TNFAIP8: variants seen among roughly 807,000 people sequenced by gnomAD.
TNFAIP8 encodes tumor necrosis factor alpha-induced protein 8.
A neutral mutation model predicts 13.3 loss-of-function variants in TNFAIP8; 7 were observed. The ratio of observed to expected loss-of-function variants is 0.52; its 90% CI spans 0.30 to 0.99. The LOEUF is 0.99. Ranked by LOEUF, TNFAIP8 falls within the 50% of genes least tolerant of loss-of-function variation. TNFAIP8 has a pLI of 0.07. For missense variants in TNFAIP8, 258 were observed against 236.9 expected, an observed-to-expected ratio of 1.09 and a Z score of -0.58; for synonymous variants, 94 against 87.6, an observed-to-expected ratio of 1.07 and a Z score of -0.41.
At chr5:119,313,930 G>T (rs779925766) in intron 1 of TNFAIP8, among the ~76,000 whole-genome samples, 1 of 152,210 alleles carries the variant, frequency 6.6e-6, no homozygotes, top group South Asian at 2.1e-4. Context: ...AGGCATTCAT[G>T]TGTGGGTTTT....
rs114442059 is a variant in TNFAIP8 at position 119,291,256 on chromosome 5, C to A, written c.1+22349C>A. Among the ~76,000 whole-genome samples the A allele has an allele frequency of 3.7e-3, 563 of 152,264 alleles. 4 individuals are homozygous for A. Among genetic ancestry groups the A allele is most frequent in the African/African-American group, 0.013 (554 of 41,542 alleles). The stretch of plus-strand genomic sequence containing the variant: ...CCATGTCTTTATCTGTTTCTATTTC[C>A]CCTGCTGTATCTAGCACACTGGGTG... On this transcript the variant is annotated intron_variant, in intron 1 of 1. Coordinates refer to the TNFAIP8 transcript ENST00000274456.
chr5:119,324,202 G>C (rs1204968963), intron 1 of TNFAIP8, among the ~76,000 whole-genome samples: 2 of 138,260 alleles, frequency 1.4e-5, no homozygotes, highest in African/African-American at 5.5e-5. Context: ...CTGAACCCAG[G>C]AGGTGGAGGC....
chr5:119,384,852 T>C (rs150894741), intron 1 of TNFAIP8, among the ~76,000 whole-genome samples: 2 of 152,212 alleles, frequency 1.3e-5, no homozygotes, highest in African/African-American at 4.8e-5. Flanking sequence ...CTGGGGCAAA[T>C]TGATAGAAAA....
At chr5:119,335,884 TGA>T (rs1179204927) in intron 1 of TNFAIP8, among the ~76,000 whole-genome samples, 3 of 148,988 alleles carry the variant, frequency 2.0e-5, no homozygotes, top group Non-Finnish European at 4.5e-5. Context: ...TTGCAGGGGG[TGA>T]GGGGGTGGAG....
intron 1 of TNFAIP8, among the ~76,000 whole-genome samples, chr5:119,287,346 T>C (rs1003749426): frequency 9.3e-6 from 1 of 107,690 alleles, no homozygotes; most frequent in East Asian, 3.6e-4. Context: ...CACATAAAAA[T>C]TGTATATATT....
At position 119,393,211 on chromosome 5, in the gene TNFAIP8, A is replaced by G. The variant is rs1752966628; in HGVS notation, c.427A>G (p.Ile143Val). ...ATGCAGAGAGATGCTGCACCAAATC[A>G]TTCAGCGCCACCTCACTGCCAAGTC... ...NECREMLHQI[I>V]QRHLTAKSHG... Residue 143 changes from isoleucine (I) to valine (V), a missense_variant, in exon 2 of 2, where the codon ATT (isoleucine) becomes GTT (valine). Coordinates refer to ENST00000504771, the MANE Select transcript of TNFAIP8 (RefSeq NM_014350.4). 5 of 1,614,026 alleles carry G rather than the reference A, an allele frequency of 3.1e-6. No homozygotes were observed. The highest frequency in any genetic ancestry group is 4.2e-6 in the Non-Finnish European group (5 of 1,179,892).
intron 1 of TNFAIP8, among the ~76,000 whole-genome samples, chr5:119,378,392 C>A (rs1016885425): frequency 2.0e-5 from 3 of 152,174 alleles, no homozygotes; most frequent in Admixed American, 6.5e-5. Context: ...GAAAGCCTAG[C>A]AAATTCCATC....
At chr5:119,312,856 A>G (rs1749776482) in intron 1 of TNFAIP8, among the ~76,000 whole-genome samples, 1 of 152,124 alleles carries the variant, frequency 6.6e-6, no homozygotes, top group African/African-American at 2.4e-5. Context: ...CAGATCATGC[A>G]GAATAGGCAA....
chr5:119,336,900 C>T lies in TNFAIP8; in HGVS notation c.2-55916C>T, dbSNP rs143087721. On this transcript the variant is annotated intron_variant, in intron 1 of 1. Coordinates refer to the TNFAIP8 transcript ENST00000274456. Reference sequence around the variant, plus strand: ...TAACATGGACCATTTTGGCCCAATACTCATTGTCTTCTTGTTTTACTTTGA... The same window carrying T: ...TAACATGGACCATTTTGGCCCAATATTCATTGTCTTCTTGTTTTACTTTGA... Among the ~76,000 whole-genome samples the T allele has an allele frequency of 3.5e-3, 533 of 152,330 alleles. 2 individuals carry two copies. The highest frequency in any genetic ancestry group is 0.012 in the African/African-American group (519 of 41,554).
intron 1 of TNFAIP8, among the ~76,000 whole-genome samples, chr5:119,349,738 C>A (rs1392053352): frequency 6.6e-6 from 1 of 152,200 alleles, no homozygotes; most frequent in African/African-American, 2.4e-5. Context: ...CATTGAATAT[C>A]AGGAATTGAA....
At chr5:119,384,257 G>T (rs1482189830) in intron 1 of TNFAIP8, among the ~76,000 whole-genome samples, 1 of 152,178 alleles carries the variant, frequency 6.6e-6, no homozygotes, top group Non-Finnish European at 1.5e-5. Context: ...GACCGAGGCG[G>T]GTGGATCACC....
chr5:119,369,469 A>G (rs1052860973), intron 1 of TNFAIP8, among the ~76,000 whole-genome samples: 29 of 152,216 alleles, frequency 1.9e-4, no homozygotes. Context: ...AGTTTTTATG[A>G]TGATGGGCAC....
At chr5:119,338,028 T>G (rs1297027766) in intron 1 of TNFAIP8, among the ~76,000 whole-genome samples, 2 of 152,194 alleles carry the variant, frequency 1.3e-5, no homozygotes, top group African/African-American at 4.8e-5. Flanking sequence ...TCCTGCTAAC[T>G]GCTGAATAAT....
chr5:119,362,952 G>T (rs1469636094), intron 1 of TNFAIP8, among the ~76,000 whole-genome samples: 1 of 152,210 alleles, frequency 6.6e-6, no homozygotes, highest in Non-Finnish European at 1.5e-5. Context: ...GAAAGTGTGA[G>T]AGTAGCCAGT....
At chr5:119,329,980 C>T (rs1350600167) in intron 1 of TNFAIP8, among the ~76,000 whole-genome samples, 1 of 152,082 alleles carries the variant, frequency 6.6e-6, no homozygotes, top group African/African-American at 2.4e-5. Context: ...GGAATAATTC[C>T]TTCTCAGCCT....
chr5:119,315,096 T>G (rs988013207), intron 1 of TNFAIP8, among the ~76,000 whole-genome samples: 6 of 152,108 alleles, frequency 3.9e-5, no homozygotes, highest in African/African-American at 1.4e-4. Context: ...TGTGTTTTGT[T>G]TTTCGAGATG....
chr5:119,365,701 T>C lies in TNFAIP8; in HGVS notation c.31+9580T>C, dbSNP rs74535480. Among the ~76,000 whole-genome samples, 278 of 152,342 alleles carry C rather than the reference T, an allele frequency of 1.8e-3. 2 individuals carry two copies. The highest frequency in any genetic ancestry group is 6.4e-3 in the African/African-American group (267 of 41,576). On this transcript the variant is annotated intron_variant, in intron 1 of 1. Coordinates refer to ENST00000504771, the MANE Select transcript of TNFAIP8 (RefSeq NM_014350.4). ...ACTGAGTGTTCTTATTATTAAGCAC[T>C]TACAAAACCATTTTCACCTTTCAAG...
chr5:119,316,490 G>T (rs1176555993), intron 1 of TNFAIP8, among the ~76,000 whole-genome samples: 1 of 152,108 alleles, frequency 6.6e-6, no homozygotes, highest in Non-Finnish European at 1.5e-5. Flanking sequence ...CCCTAATCAT[G>T]TTGATTCTGG....
intron 1 of TNFAIP8, among the ~76,000 whole-genome samples, chr5:119,287,506 C>A (rs1210235244): frequency 2.0e-5 from 3 of 151,980 alleles, no homozygotes; most frequent in Admixed American, 6.6e-5. Flanking sequence ...GTAAACAATA[C>A]AGAATTATTA....
Sources: allele counts gnomAD v4.1 joint callset (sites outside exome capture counted in the v4.1 genomes callset), GRCh38; gene constraint gnomAD v4.1.1; transcripts MANE v1.5; gene names NCBI Gene and HGNC (gene_info 2026-07-23, HGNC 2026-07-21).